EVC2: variants seen among roughly 807,000 people sequenced by gnomAD.
EVC2 encodes EvC ciliary complex subunit 2.
In EVC2, 148 loss-of-function variants were observed where a neutral mutation model predicts 149.3. That is an observed-to-expected ratio of 0.99 (90% confidence interval 0.87 to 1.14). The LOEUF is 1.14. Ranked by LOEUF, EVC2 falls within the 50% of genes most tolerant of loss-of-function variation. EVC2 has a pLI of 0.00. For missense variants in EVC2, 1,854 were observed against 1,627.3 expected (o/e 1.14, Z -2.40); for synonymous variants, 776 against 649.9 (o/e 1.19, Z -2.95).
Position 5,562,627 on chromosome 4 carries a change from A to C in EVC2, c.*221T>G. On this transcript the variant is annotated 3_prime_UTR_variant, in exon 22 of 22. Transcript: ENST00000344408. The surrounding 1 kb of genome is among the most constrained non-coding windows in gnomAD (Gnocchi z 4.3). ...CTGGGGAGGTGGGGCTGAAAGAAGG[A>C]GTGTTTATGTCCTTGTGATATGGAA... The C allele has an allele frequency of 7.1e-7, 1 of 1,417,670 alleles. No homozygotes were observed. The highest frequency in any genetic ancestry group is 9.2e-7 in the Non-Finnish European group (1 of 1,089,748). 87.8% of individuals were successfully genotyped at this position (1,417,670 alleles called of 1,614,324 possible).
At chr4:5,544,690 A>G (rs1024711287) in intron 21 of EVC2, among the ~76,000 whole-genome samples, 8 of 152,230 alleles carry the variant, frequency 5.3e-5, no homozygotes, top group Non-Finnish European at 1.0e-4. Context: ...AACTCCAAAA[A>G]TAGAATCACA....
chr4:5,544,804 C>T (rs1237668443), intron 21 of EVC2, among the ~76,000 whole-genome samples: 1 of 152,134 alleles, frequency 6.6e-6, no homozygotes, highest in African/African-American at 2.4e-5. Context: ...ACCCACAGAT[C>T]AAAACTCGGT....
chr4:5,676,368 T>G (rs1462011054), intron 7 of EVC2, among the ~76,000 whole-genome samples: 1 of 152,352 alleles, frequency 6.6e-6, no homozygotes, highest in East Asian at 1.9e-4. Context: ...AATCTCTATT[T>G]ACACAATGGA....
At chr4:5,565,764 T>A (rs1340671654) in intron 20 of EVC2, among the ~76,000 whole-genome samples, 1 of 151,644 alleles carries the variant, frequency 6.6e-6, no homozygotes, top group Non-Finnish European at 1.5e-5. Context: ...GGAACCCCCA[T>A]CCCCAGAGTG....
At chr4:5,541,648 G>C (rs567992802), downstream of EVC2, among the ~76,000 whole-genome samples, 2 of 152,304 alleles carry the variant, frequency 1.3e-5, no homozygotes, top group South Asian at 4.1e-4. Flanking sequence ...GTATGGGTGT[G>C]TTTGCCAATG....
At chr4:5,615,367 A>G (rs1577160030) in intron 16 of EVC2, 55 bp downstream of exon 16, 1 of 1,613,012 alleles carries the variant, frequency 6.2e-7, no homozygotes, top group Non-Finnish European at 8.5e-7. Flanking sequence ...GTCAGCTATC[A>G]GAGCAGCCCC....
At chr4:5,549,165 T>A (rs1721684717) in intron 21 of EVC2, among the ~76,000 whole-genome samples, 1 of 152,238 alleles carries the variant, frequency 6.6e-6, no homozygotes, top group African/African-American at 2.4e-5. Flanking sequence ...AATTTTTATA[T>A]TAAGATATAT....
chr4:5,610,522 G>A (rs1452136583), intron 16 of EVC2, among the ~76,000 whole-genome samples: 2 of 152,198 alleles, frequency 1.3e-5, no homozygotes, highest in African/African-American at 4.8e-5. Context: ...CCAGGACCAG[G>A]TGAAGGGTCT....
intron 17 of EVC2, among the ~76,000 whole-genome samples, chr4:5,582,439 T>A (rs114456180): frequency 0.013 from 1,943 of 152,358 alleles, 36 homozygotes; most frequent in African/African-American, 0.044. Context: ...CTGGGGCCTA[T>A]AGCCCCTTTC....
chr4:5,701,467 G>C (rs1721820517), intron 1 of EVC2, among the ~76,000 whole-genome samples: 1 of 152,062 alleles, frequency 6.6e-6, no homozygotes, highest in Non-Finnish European at 1.5e-5. Flanking sequence ...CTCCACCCTT[G>C]ACCTTCGGGT....
At chr4:5,560,160 A>C (rs1038972378), downstream of EVC2, among the ~76,000 whole-genome samples, 2 of 151,548 alleles carry the variant, frequency 1.3e-5, no homozygotes, top group Non-Finnish European at 1.5e-5. The surrounding 1 kb of genome is among the most constrained non-coding windows in gnomAD (Gnocchi z 4.1). Context: ...CAAACCCCAA[A>C]CTTGAGCTCA....
At chr4:5,581,679 TA>T (rs1711815887) in intron 17 of EVC2, among the ~76,000 whole-genome samples, 1 of 152,178 alleles carries the variant, frequency 6.6e-6, no homozygotes, top group African/African-American at 2.4e-5. Context: ...AAGCTGAGTG[TA>T]AAAGTGTGGA....
At chr4:5,639,353 G>T (rs1474850305) in intron 10 of EVC2, among the ~76,000 whole-genome samples, 2 of 152,218 alleles carry the variant, frequency 1.3e-5, no homozygotes, top group Admixed American at 1.3e-4. Flanking sequence ...AATCAGGTTT[G>T]ATTTGGTATA....
rs1577281508 is a variant in EVC2 at position 5,706,401 on chromosome 4, G to GATAC, written c.228+1884_228+1885insGTAT. Among the ~76,000 whole-genome samples the GATAC allele has an allele frequency of 7.3e-3, 332 of 45,480 alleles. 15 individuals carry two copies. Among genetic ancestry groups the GATAC allele is most frequent in the East Asian group, 0.021 (36 of 1,700 alleles). 29.8% of individuals were successfully genotyped at this position (45,480 alleles called of 152,430 possible). A position where few individuals can be genotyped will look rare whatever the true frequency, so the allele number is the denominator to read the frequency against. ...AGATACATAGATAGATACATAGATA[G>GATAC]ATAGATAGATACATAGATAGATAGA... On this transcript the variant is annotated intron_variant, in intron 1 of 21. Coordinates refer to ENST00000344408, the MANE Select transcript of EVC2 (RefSeq NM_147127.5).
At chr4:5,538,839 C>T (rs147790176), downstream of EVC2, among the ~76,000 whole-genome samples, 434 of 152,146 alleles carry the variant, frequency 2.9e-3, 4 homozygotes, top group African/African-American at 9.9e-3. Context: ...AGGTTATCCA[C>T]GAAAAACCCA....
At chr4:5,603,847 T>G (rs1714185706) in intron 16 of EVC2, among the ~76,000 whole-genome samples, 1 of 152,210 alleles carries the variant, frequency 6.6e-6, no homozygotes, top group South Asian at 2.1e-4. Context: ...TAAGTGTTCC[T>G]AAAGACTATT....
Position 5,663,097 on chromosome 4 carries a change from G to T in EVC2, c.1145+10C>A. The T allele has an allele frequency of 6.2e-7, 1 of 1,613,816 alleles. No homozygotes were observed. Among genetic ancestry groups the T allele is most frequent in the Non-Finnish European group, 8.5e-7 (1 of 1,179,832 alleles). ...ATGTGTGTAAGTATAATGGGATTTAGAATTCTTACTCTTCTAAGGCTTGAA... is the reference window on the plus strand; with the variant it reads ...ATGTGTGTAAGTATAATGGGATTTATAATTCTTACTCTTCTAAGGCTTGAA... On this transcript the variant is annotated intron_variant, in intron 9 of 21. Transcript: ENST00000344408.
rs148060114 is a variant in EVC2 at position 5,670,034 on chromosome 4, T to C, written c.871-4385A>G. 9.4e-4 allele frequency among the ~76,000 whole-genome samples: 143 copies of C among 152,344 alleles called. No homozygotes were observed. Among genetic ancestry groups the C allele is most frequent in the African/African-American group, 3.1e-3 (127 of 41,572 alleles). On this transcript the variant is annotated intron_variant, in intron 7 of 21. Transcript: ENST00000344408. This position sits in a 1 kb window ranked among gnomAD's most constrained non-coding sequence, Gnocchi z 5.2. Reference sequence around the variant, plus strand: ...CCCTCATTTTCTTCATTTATCTGTGTTGTTAAATTATGCTAGGTCCTGCCC... The same window carrying C: ...CCCTCATTTTCTTCATTTATCTGTGCTGTTAAATTATGCTAGGTCCTGCCC...
chr4:5,644,593 G>T (rs148195638), intron 9 of EVC2, among the ~76,000 whole-genome samples: 6 of 152,240 alleles, frequency 3.9e-5, no homozygotes, highest in Non-Finnish European at 8.8e-5. Flanking sequence ...GTGAGCCACC[G>T]TGTCTGGCCA....
Sources: allele counts gnomAD v4.1 joint callset (sites outside exome capture counted in the v4.1 genomes callset), GRCh38; gene constraint gnomAD v4.1.1; non-coding constraint Gnocchi (gnomAD v3.1); transcripts MANE v1.5; gene names NCBI Gene and HGNC (gene_info 2026-07-23, HGNC 2026-07-21).